VPS8: variants seen among roughly 807,000 people sequenced by gnomAD.
VPS8 encodes the protein vacuolar protein sorting-associated protein 8 homolog.
A neutral mutation model predicts 216.4 loss-of-function variants in VPS8; 129 were observed. The ratio of observed to expected loss-of-function variants is 0.60; its 90% CI spans 0.52 to 0.69. The LOEUF is 0.69. Ranked by LOEUF, VPS8 falls within the 30% of genes least tolerant of loss-of-function variation. The probability of loss-of-function intolerance (pLI) is 0.00; values close to 1 mark genes in which losing one functional copy is unlikely to be tolerated. For synonymous variants in VPS8, 571 were observed against 565.4 expected, an observed-to-expected ratio of 1.01 and a Z score of -0.14; for missense variants, 1,531 against 1,683.5, an observed-to-expected ratio of 0.91 and a Z score of 1.59.
chr3:185,004,151 C>T lies in VPS8; in HGVS notation c.4002+4290C>T, dbSNP rs1000624716. On this transcript the variant is annotated intron_variant, in intron 45 of 47. Transcript: ENST00000625842. ...GGCGGCCGGGAGGTGGAGGCTGCAG[C>T]GAGCCGAGACCACGCCACTGCACTC... 3.9e-5 allele frequency among the ~76,000 whole-genome samples: 6 copies of T among 152,242 alleles called. No individual in the cohort carries two copies. The South Asian group carries it at 1.2e-3, about 32-fold the overall frequency.
At position 184,896,690 on chromosome 3, in the gene VPS8, G is replaced by A. The variant is rs561384382; in HGVS notation, c.2004+1765G>A. On this transcript the variant is annotated intron_variant, in intron 23 of 47. Coordinates refer to ENST00000625842, the MANE Select transcript of VPS8 (RefSeq NM_001009921.3). Reference sequence around the variant, plus strand: ...TTACTGAATGTCAGGCTCTGAGGATGCTTCAGTATCCCTAGTGAACAAGGC... The same window carrying A: ...TTACTGAATGTCAGGCTCTGAGGATACTTCAGTATCCCTAGTGAACAAGGC... 2.0e-5 allele frequency among the ~76,000 whole-genome samples: 3 copies of A among 152,326 alleles called. No homozygotes were observed. In the South Asian group the frequency reaches 6.2e-4, roughly 32 times the overall value.
At chr3:184,824,475 C>T in intron 1 of VPS8, 70 bp from the exon 2 acceptor site, 1 of 762,002 alleles carries the variant, frequency 1.3e-6, no homozygotes, top group Non-Finnish European at 2.1e-6. Context: ...TTTGGAATGT[C>T]CAATTGACAA....
chr3:184,902,211 C>T (rs1270927382), intron 25 of VPS8, among the ~76,000 whole-genome samples: 1 of 148,846 alleles, frequency 6.7e-6, no homozygotes, highest in African/African-American at 2.5e-5. Flanking sequence ...GGCATGGTGG[C>T]TCATGCCTGT....
chr3:184,915,427 A>C lies in VPS8; in HGVS notation c.2335A>C (p.Thr779Pro), dbSNP rs1737378801. The change falls in exon 28 of 48, where the codon ACT becomes CCT. Residue 779 changes from threonine to proline, a missense_variant. This residue lies in a region of VPS8 where 1,318 missense variants were observed against 1,468.4 expected (regional missense o/e 0.90). Coordinates refer to ENST00000625842, the MANE Select transcript of VPS8 (RefSeq NM_001009921.3). Reference sequence around the variant, plus strand: ...GGAAGAAATCTATCCTTACATTCGGACTTTGCTACATTTTGACACAAGAGA... The same window carrying C: ...GGAAGAAATCTATCCTTACATTCGGCCTTTGCTACATTTTGACACAAGAGA... The part of the protein sequence containing the change: ...PEEEIYPYIR[T>P]LLHFDTREFL... 2 of 1,613,840 alleles carry C rather than the reference A, an allele frequency of 1.2e-6. No homozygotes were observed. Among genetic ancestry groups the C allele is most frequent in the South Asian group, 2.2e-5 (2 of 91,076 alleles).
chr3:185,005,041 G>C (rs1032445414), intron 45 of VPS8, among the ~76,000 whole-genome samples: 16 of 152,180 alleles, frequency 1.1e-4, no homozygotes, highest in African/African-American at 3.9e-4. Flanking sequence ...ATCTTGAGTT[G>C]ACTTTGTATA....
At chr3:184,909,307 A>G (rs899623200) in intron 25 of VPS8, among the ~76,000 whole-genome samples, 3 of 152,216 alleles carry the variant, frequency 2.0e-5, no homozygotes, top group African/African-American at 7.2e-5. Flanking sequence ...GCAAATTTTT[A>G]GTTAATTTCA....
At chr3:184,893,368 T>C (rs1340838974) in intron 22 of VPS8, 6 of 1,192,544 alleles carry the variant, frequency 5.0e-6, no homozygotes, top group South Asian at 1.4e-5. Flanking sequence ...ATGATATACA[T>C]ATAAAGAAAT....
intron 13 of VPS8, among the ~76,000 whole-genome samples, chr3:184,855,026 G>C (rs890715081): frequency 2.0e-5 from 3 of 152,066 alleles, no homozygotes; most frequent in Non-Finnish European, 2.9e-5. Flanking sequence ...GGGCCCTAGG[G>C]GAAGCAGGTC....
chr3:184,908,736 G>T (rs1735941459), intron 25 of VPS8, among the ~76,000 whole-genome samples: 1 of 152,214 alleles, frequency 6.6e-6, no homozygotes, highest in South Asian at 2.1e-4. Flanking sequence ...GGCAATTGAA[G>T]AGTGAGCAAG....
intron 36 of VPS8, among the ~76,000 whole-genome samples, chr3:184,948,023 G>T (rs1347500078): frequency 6.6e-6 from 1 of 152,096 alleles, no homozygotes; most frequent in Non-Finnish European, 1.5e-5. Flanking sequence ...AAAAACAGTA[G>T]ACAGGTCTAG....
At chr3:184,893,017 A>T (rs1378165132) in intron 22 of VPS8, among the ~76,000 whole-genome samples, 1 of 152,232 alleles carries the variant, frequency 6.6e-6, no homozygotes, top group Non-Finnish European at 1.5e-5. Context: ...CATCACAAAA[A>T]TATGATGAAT....
chr3:185,024,322 C>T lies in VPS8; in HGVS notation c.4003-14C>T. On this transcript the variant is annotated splice_polypyrimidine_tract_variant and intron_variant, in intron 45 of 47. Coordinates refer to ENST00000625842, the MANE Select transcript of VPS8 (RefSeq NM_001009921.3). ...AACTGAAAGGGTATTAAAATGTTTGCCTTTTTTTTCCAGGTAAAAATGTCT... is the reference window on the plus strand; with the variant it reads ...AACTGAAAGGGTATTAAAATGTTTGTCTTTTTTTTCCAGGTAAAAATGTCT... The T allele has an allele frequency of 6.3e-7, 1 of 1,577,448 alleles. No homozygotes were observed. Among genetic ancestry groups the T allele is most frequent in the East Asian group, 2.3e-5 (1 of 43,892 alleles).
intron 46 of VPS8, among the ~76,000 whole-genome samples, chr3:185,025,104 A>T (rs1187220114): frequency 6.6e-6 from 1 of 152,234 alleles, no homozygotes; most frequent in Non-Finnish European, 1.5e-5. Flanking sequence ...GGTCTTCAAT[A>T]AATGCTGGCA....
At chr3:184,932,993 A>G (rs148118039) in intron 34 of VPS8, among the ~76,000 whole-genome samples, 253 of 152,332 alleles carry the variant, frequency 1.7e-3, no homozygotes, top group African/African-American at 5.8e-3. Context: ...CCCCAAACCA[A>G]CATCACAGCA....
chr3:185,037,043 TCTTA>T (rs1330409591), intron 46 of VPS8, among the ~76,000 whole-genome samples: 9 of 150,924 alleles, frequency 6.0e-5, no homozygotes, highest in South Asian at 4.2e-4. Flanking sequence ...TTTTATAATT[TCTTA>T]CTTATCTTTT....
intron 24 of VPS8, 145 bp from the exon 25 acceptor site, chr3:184,900,776 G>C (rs915213742): frequency 7.5e-6 from 5 of 669,850 alleles, no homozygotes; most frequent in Non-Finnish European, 1.2e-5. Context: ...AACATTTCAT[G>C]TACAGATTAA....
chr3:184,914,901 G>A, intron 26 of VPS8, 80 bp from the exon 27 acceptor site: 2 of 1,387,692 alleles, frequency 1.4e-6, no homozygotes, highest in Non-Finnish European at 2.0e-6. Context: ...AGTATCTCAA[G>A]TTTGAGAAAC....
intron 45 of VPS8, among the ~76,000 whole-genome samples, chr3:185,022,773 GTTGT>G (rs926923773): frequency 1.9e-4 from 29 of 152,110 alleles, no homozygotes; most frequent in Admixed American, 1.6e-3. Flanking sequence ...AATTATCTTG[GTTGT>G]TTATTTTTAT....
chr3:184,876,058 T>C (rs1246328055), intron 21 of VPS8, among the ~76,000 whole-genome samples: 3 of 151,996 alleles, frequency 2.0e-5, no homozygotes, highest in Admixed American at 1.3e-4. Context: ...TCCATGTCTA[T>C]AAATTCTGTG....
Sources: allele counts gnomAD v4.1 joint callset (sites outside exome capture counted in the v4.1 genomes callset), GRCh38; gene constraint gnomAD v4.1.1; regional missense constraint gnomAD v4.1.1; transcripts MANE v1.5; gene names NCBI Gene and HGNC (gene_info 2026-07-23, HGNC 2026-07-21).